SPTBN5: variants seen among roughly 807,000 people sequenced by gnomAD.
SPTBN5 encodes spectrin beta chain, non-erythrocytic 5.
Under a neutral mutation model 477.6 loss-of-function variants are expected in SPTBN5, and 513 were observed. The ratio of observed to expected loss-of-function variants is 1.07; its 90% CI spans 1.00 to 1.16. SPTBN5 has a LOEUF of 1.16. Ranked by LOEUF, SPTBN5 falls within the 50% of genes most tolerant of loss-of-function variation. The pLI, the probability that SPTBN5 is intolerant of heterozygous loss-of-function variation, is 0.00. For missense variants in SPTBN5, 5,062 were observed against 4,731.8 expected (o/e 1.07, Z -2.05); for synonymous variants, 2,169 against 2,011.7 (o/e 1.08, Z -2.09).
intron 53 of SPTBN5, 128 bp downstream of exon 53, chr15:41,856,257 TG>T (rs973252253): frequency 2.4e-6 from 2 of 850,490 alleles, no homozygotes; most frequent in African/African-American, 1.8e-5. Context: ...AGGAAGCCCT[TG>T]GGGGCAGGAG....
chr15:41,878,397 G>T lies in SPTBN5; in HGVS notation c.3415C>A (p.Arg1139=). The T allele has an allele frequency of 6.2e-7, 1 of 1,613,682 alleles. No individual in the cohort carries two copies. Residue 1139 remains arginine, a synonymous_variant, in exon 17 of 68, where the codon CGG becomes AGG. Transcript: ENST00000320955. The part of the protein sequence containing the change: ...EVSVDVASAQ[R]LLREHQDLLE... ...AGGTCTTGGTGCTCCCTCAGCAGCCGCTGAGCCGAGGCCACATCCACTGAC... is the reference window on the plus strand; with the variant it reads ...AGGTCTTGGTGCTCCCTCAGCAGCCTCTGAGCCGAGGCCACATCCACTGAC...
intron 35 of SPTBN5, 67 bp from the exon 36 acceptor site, chr15:41,867,193 TCA>T (rs1190228428): frequency 6.9e-7 from 1 of 1,448,206 alleles, no homozygotes; most frequent in Non-Finnish European, 9.1e-7. Flanking sequence ...CCTGCAGGGC[TCA>T]CAGTCCTTTC....
At chr15:41,862,339 TC>T in intron 43 of SPTBN5, 47 bp from the exon 44 acceptor site, 2 of 1,551,740 alleles carry the variant, frequency 1.3e-6, no homozygotes. Flanking sequence ...CAAACCCCTC[TC>T]CCCCATGCCC....
chr15:41,860,798 C>A, intron 46 of SPTBN5, 40 bp from the exon 47 acceptor site: 1 of 1,435,558 alleles, frequency 7.0e-7, no homozygotes, highest in African/African-American at 1.5e-5. Context: ...CATGAGCCTC[C>A]CCCTCCCATC....
Position 41,876,887 on chromosome 15 carries a change from C to T in SPTBN5, c.3773G>A (p.Ser1258Asn). The T allele has an allele frequency of 6.2e-7, 1 of 1,610,516 alleles. No individual in the cohort carries two copies. The highest frequency in any genetic ancestry group is 8.5e-7 in the Non-Finnish European group (1 of 1,179,784). ...AGCCTCTGCCCGAGGCCCCAGGGTG[C>T]TCAGGAGCCGCCCAAACTCCCGGTG... ...QQHREFGRLL[S>N]TLGPRAEALR... Residue 1258 changes from serine (S) to asparagine (N), a missense_variant, in exon 19 of 68, where the codon AGC (serine) becomes AAC (asparagine). Ser to Asn is a conservative substitution (Grantham distance 46, BLOSUM62 1). Transcript: ENST00000320955.
chr15:41,866,801 A>C (rs2066333363), intron 36 of SPTBN5, among the ~76,000 whole-genome samples, 158 bp downstream of exon 36: 1 of 152,156 alleles, frequency 6.6e-6, no homozygotes, highest in Admixed American at 6.5e-5. Flanking sequence ...CTCCACACAA[A>C]GGGGCTTAGA....
chr15:41,882,709 C>G lies in SPTBN5; in HGVS notation c.1922G>C (p.Arg641Pro), dbSNP rs1383610192. ...RRALLEQTLQ[R>P]AEFLRNCEEE... ...CTCACAGTTGCGCAGGAACTCTGCC[C>G]GCTGCAGGGTCTGCTCCAGCAGGGC... The change falls in exon 10 of 68, where the codon CGG (arginine) becomes CCG (proline). Residue 641 changes from arginine (R) to proline (P), a missense_variant. Transcript: ENST00000320955. 3 of 1,609,938 alleles carry G rather than the reference C, an allele frequency of 1.9e-6. No individual in the cohort carries two copies. Among genetic ancestry groups the G allele is most frequent in the Non-Finnish European group, 2.5e-6 (3 of 1,178,512 alleles).
rs2066335006 is a variant in SPTBN5, at chr15:41,866,834, C to T, written c.6480+125G>A. 8.7e-6 allele frequency: 11 copies of T among 1,270,270 alleles called. No individual in the cohort carries two copies. The Admixed American group carries it at 2.7e-4, about 31-fold the overall frequency. 78.7% of individuals were successfully genotyped at this position (1,270,270 alleles called of 1,614,324 possible). On this transcript the variant is annotated intron_variant, in intron 36 of 67. Transcript: ENST00000320955. ...AGATCCCATGTTCTGGGCTCCAGCA[C>T]AGCCTCTGGGAAAGCCATCCACCCC...
Position 41,853,333 on chromosome 15 carries a change from C to G in SPTBN5, c.10095G>C (p.Glu3365Asp). The change falls in exon 59 of 68, where the codon GAG (glutamate) becomes GAC (aspartate). Residue 3365 changes from glutamate (E) to aspartate (D), a missense_variant. Glu to Asp is a conservative substitution (Grantham distance 45). Transcript: ENST00000320955. ...GCAGGTCCTGGGCTTGAAGGCGGCA[C>G]TCCCTGATTTCTTGCCCCAGCTCTT... ...QHEELGQEIR[E>D]CRLQAQDLRQ... is the part of the protein sequence containing the mutation. 1 of 1,612,880 alleles carries G rather than the reference C, an allele frequency of 6.2e-7. No homozygotes were observed. The highest frequency in any genetic ancestry group is 8.5e-7 in the Non-Finnish European group (1 of 1,179,590).
At position 41,855,232 on chromosome 15, in the gene SPTBN5, C is replaced by G; in HGVS notation, c.9415G>C (p.Gly3139Arg). 6.2e-7 allele frequency: 1 copy of G among 1,610,120 alleles called. No individual in the cohort carries two copies. Among genetic ancestry groups the G allele is most frequent in the Non-Finnish European group, 8.5e-7 (1 of 1,177,790 alleles). The change falls in exon 55 of 68, where the codon GGT becomes CGT. Residue 3139 changes from glycine (G) to arginine (R), a missense_variant. Coordinates refer to ENST00000320955, the MANE Select transcript of SPTBN5 (RefSeq NM_016642.4). ...GCTCAGGAGTAACTCACCTTGACAC[C>G]CTCCAGGTCCTGCCCGTAGTCCTGG... is the stretch of plus-strand genomic sequence containing the variant. ...ESQDYGQDLE[G>R]VKVLEEKFDA...
chr15:41,879,819 C>T lies in SPTBN5; in HGVS notation c.2857G>A (p.Val953Ile). 6.2e-7 allele frequency: 1 copy of T among 1,613,972 alleles called. No individual in the cohort carries two copies. The highest frequency in any genetic ancestry group is 1.3e-5 in the African/African-American group (1 of 75,052). Residue 953 changes from valine to isoleucine, a missense_variant, in exon 15 of 68, where the codon GTC (valine) becomes ATC (isoleucine). Transcript: ENST00000320955. ...CTCAGTTGCTCAGCAGAGCTGCTGA[C>T]CTCAGCCCAGAGGCCCTTTCCCACA... ...LAVGKGLWAE[V>I]SSSAEQLRQR...
chr15:41,883,532 G>A (rs1415311649), intron 7 of SPTBN5, 46 bp from the exon 8 acceptor site: 10 of 1,591,060 alleles, frequency 6.3e-6, no homozygotes, highest in Non-Finnish European at 6.0e-6. Context: ...GTTGGGGCAG[G>A]GAAGCTACTT....
rs2065634889 is a variant in SPTBN5 at position 41,848,608 on chromosome 15, G to A, written c.*8C>T. 3 of 1,613,784 alleles carry A rather than the reference G, an allele frequency of 1.9e-6. No homozygotes were observed. Among genetic ancestry groups the A allele is most frequent in the Non-Finnish European group, 2.5e-6 (3 of 1,179,842 alleles). On this transcript the variant is annotated 3_prime_UTR_variant, in exon 68 of 68. Coordinates refer to ENST00000320955, the MANE Select transcript of SPTBN5 (RefSeq NM_016642.4). ...CCCCTGAAGTTTGGTGTTGCACTGG[G>A]GTTCACCTCAGGGATCAGACCTGTT...
chr15:41,876,853 T>C lies in SPTBN5; in HGVS notation c.3807A>G (p.Ala1269=). ...TLGPRAEALR[A]HGEKLVQSQH... The stretch of plus-strand genomic sequence containing the variant: ...GGCTCTGAACCAGCTTCTCGCCGTG[T>C]GCCCGCAGAGCCTCTGCCCGAGGCC... Residue 1269 remains alanine, a synonymous_variant, in exon 19 of 68, where the codon GCA becomes GCG. Transcript: ENST00000320955. 5.6e-6 allele frequency: 9 copies of C among 1,610,584 alleles called. No homozygotes were observed. Among genetic ancestry groups the C allele is most frequent in the Non-Finnish European group, 7.6e-6 (9 of 1,179,830 alleles).
chr15:41,893,268 C>T lies in SPTBN5; in HGVS notation c.216+14G>A. 1 of 1,613,854 alleles carries T rather than the reference C, an allele frequency of 6.2e-7. No homozygotes were observed. The highest frequency in any genetic ancestry group is 1.7e-5 in the Admixed American group (1 of 60,022). The stretch of plus-strand genomic sequence containing the variant: ...GGTATGGGTGGGCTGTGGGTCACAG[C>T]TGGCTATACTCACCTGGCCGCACTG... On this transcript the variant is annotated intron_variant, in intron 2 of 67. Coordinates refer to ENST00000320955, the MANE Select transcript of SPTBN5 (RefSeq NM_016642.4).
chr15:41,874,421 C>T lies in SPTBN5; in HGVS notation c.4560G>A (p.Val1520=), dbSNP rs752528044. 6.2e-7 allele frequency: 1 copy of T among 1,613,386 alleles called. No individual in the cohort carries two copies. Among genetic ancestry groups the T allele is most frequent in the East Asian group, 2.2e-5 (1 of 44,868 alleles). ...AIRGLQLQAS[V]ELHQFCHLSN... Reference sequence around the variant, plus strand: ...TCAGGTGGCAGAACTGGTGCAGCTCCACTGAGGCCTGCAGCTGCAGGCCCC... The same window carrying T: ...TCAGGTGGCAGAACTGGTGCAGCTCTACTGAGGCCTGCAGCTGCAGGCCCC... Residue 1520 remains valine, a synonymous_variant, in exon 24 of 68, where the codon GTG becomes GTA. Coordinates refer to ENST00000320955, the MANE Select transcript of SPTBN5 (RefSeq NM_016642.4).
intron 2 of SPTBN5, 101 bp from the exon 3 acceptor site, chr15:41,893,162 A>T: frequency 1.3e-6 from 2 of 1,570,114 alleles, no homozygotes; most frequent in Non-Finnish European, 1.7e-6. Flanking sequence ...CTTTGGAAGA[A>T]GGAGCTCTGG....
rs1391704855 is a variant in SPTBN5 at position 41,875,988 on chromosome 15, G to A, written c.4122+126C>T. 3 of 1,187,960 alleles carry A rather than the reference G, an allele frequency of 2.5e-6. 1 individual carries two copies. Among genetic ancestry groups the A allele is most frequent in the African/African-American group, 3.0e-5 (2 of 65,578 alleles). 73.6% of individuals were successfully genotyped at this position (1,187,960 alleles called of 1,614,324 possible). On this transcript the variant is annotated intron_variant, in intron 21 of 67. Transcript: ENST00000320955. The stretch of plus-strand genomic sequence containing the variant: ...AGCAGCATCAAGGAGGCTTGCAGGG[G>A]GAGGTTCTAGGTTCACGCTGAGGCT...
At chr15:41,874,611 G>C in intron 23 of SPTBN5, 133 bp from the exon 24 acceptor site, 1 of 913,570 alleles carries the variant, frequency 1.1e-6, no homozygotes, top group Non-Finnish European at 1.6e-6. Context: ...CTGACAAAGG[G>C]AGGCAGTGGA....
Sources: gnomAD v4.1 joint callset for allele counts (sites outside exome capture counted in the v4.1 genomes callset) on GRCh38, gnomAD v4.1.1 for gene constraint, MANE v1.5 for transcripts, NCBI Gene and HGNC (gene_info 2026-07-23, HGNC 2026-07-21) for gene names.